Variants in SLC25A21 observed in about 807,000 individuals in gnomAD.
SLC25A21 encodes the protein mitochondrial 2-oxodicarboxylate carrier.
SLC25A21 carries 47 observed loss-of-function variants against 43.8 expected under a neutral mutation model. That is an observed-to-expected ratio of 1.07 (90% CI 0.85 to 1.37). The LOEUF is 1.37. Ranked by LOEUF, SLC25A21 falls within the 40% of genes most tolerant of loss-of-function variation. The pLI is 0.00. For synonymous variants in SLC25A21, 131 were observed against 121.3 expected (o/e 1.08, Z -0.52); for missense variants, 352 against 350.2 (o/e 1.00, Z -0.04).
At chr14:36,969,242 CCT>C (rs1428925358) in intron 1 of SLC25A21, among the ~76,000 whole-genome samples, 1 of 152,064 alleles carries the variant, frequency 6.6e-6, no homozygotes, top group Non-Finnish European at 1.5e-5. Context: ...TTCCAGACCC[CCT>C]GTTAATAGAG....
rs141967563 is a variant in SLC25A21, at chr14:36,971,645, T to G, written c.71-96641A>C. ...CAAAAAGGAGAAAGAGAGAGAGAGCTGCTCTCCTCTCTCCTTTCTTCTGCC... is the reference window on the plus strand; with the variant it reads ...CAAAAAGGAGAAAGAGAGAGAGAGCGGCTCTCCTCTCTCCTTTCTTCTGCC... On this transcript the variant is annotated intron_variant, in intron 1 of 9. Coordinates refer to ENST00000331299, the MANE Select transcript of SLC25A21 (RefSeq NM_030631.4). 1.8e-3 allele frequency among the ~76,000 whole-genome samples: 275 copies of G among 152,144 alleles called. 1 individual carries two copies. The highest frequency in any genetic ancestry group is 6.6e-3 in the African/African-American group (272 of 41,524).
At chr14:37,074,918 T>C (rs1355316448) in intron 1 of SLC25A21, among the ~76,000 whole-genome samples, 3 of 152,222 alleles carry the variant, frequency 2.0e-5, no homozygotes, top group African/African-American at 4.8e-5. Flanking sequence ...CAAATGTGTT[T>C]AGGGCCTGGT....
chr14:37,093,310 C>T (rs75850805), intron 1 of SLC25A21, among the ~76,000 whole-genome samples: 7,407 of 152,238 alleles, frequency 0.049, 600 homozygotes, highest in African/African-American at 0.17. Flanking sequence ...CCCCACAATG[C>T]AGAATAATTT....
intron 6 of SLC25A21, among the ~76,000 whole-genome samples, chr14:36,714,473 T>C (rs1252878618): frequency 6.6e-6 from 1 of 152,214 alleles, no homozygotes; most frequent in African/African-American, 2.4e-5. Flanking sequence ...ATCCTATAAA[T>C]TGGCCTCTTC....
chr14:36,953,110 T>A (rs1892854317), intron 1 of SLC25A21, among the ~76,000 whole-genome samples: 1 of 152,192 alleles, frequency 6.6e-6, no homozygotes, highest in Non-Finnish European at 1.5e-5. Flanking sequence ...TTATCAAGGG[T>A]TGAATATCAG....
At chr14:36,847,076 C>T (rs187628338) in intron 2 of SLC25A21, among the ~76,000 whole-genome samples, 5 of 152,242 alleles carry the variant, frequency 3.3e-5, no homozygotes, top group Admixed American at 3.3e-4. Flanking sequence ...TGGGATGCTG[C>T]CCCAGATGCT....
chr14:36,981,963 G>A (rs1960035773), intron 1 of SLC25A21, among the ~76,000 whole-genome samples: 1 of 152,176 alleles, frequency 6.6e-6, no homozygotes, highest in Non-Finnish European at 1.5e-5. Flanking sequence ...TGAACTGAAT[G>A]ATTGTTTTGG....
chr14:36,953,076 T>G (rs1037073804), intron 1 of SLC25A21, among the ~76,000 whole-genome samples: 1 of 152,220 alleles, frequency 6.6e-6, no homozygotes, highest in African/African-American at 2.4e-5. Flanking sequence ...TGTATTATGG[T>G]CCATGTCTAA....
intron 1 of SLC25A21, among the ~76,000 whole-genome samples, chr14:37,069,642 C>T (rs571900039): frequency 1.3e-5 from 2 of 152,226 alleles, no homozygotes; most frequent in South Asian, 4.1e-4. Flanking sequence ...CTGGGAGAGA[C>T]AGCAAAGAAT....
At chr14:36,776,096 A>G (rs1483733605) in intron 3 of SLC25A21, among the ~76,000 whole-genome samples, 7 of 151,694 alleles carry the variant, frequency 4.6e-5, no homozygotes, top group Non-Finnish European at 8.8e-5. Context: ...AGTCTATTGG[A>G]ACTTCTCTTG....
chr14:36,976,235 C>T (rs10131376), intron 1 of SLC25A21, among the ~76,000 whole-genome samples: 69,568 of 151,892 alleles, frequency 0.46, 17,618 homozygotes, highest in African/African-American at 0.68. Flanking sequence ...CATGAAATAA[C>T]GGTAGGCAGG....
At chr14:36,682,766 A>G (rs1273790367) in intron 9 of SLC25A21, among the ~76,000 whole-genome samples, 1 of 152,208 alleles carries the variant, frequency 6.6e-6, no homozygotes, top group Non-Finnish European at 1.5e-5. Flanking sequence ...CTGAATCCCA[A>G]ATATGAAACA....
chr14:36,974,535 A>G (rs887280443), intron 1 of SLC25A21, among the ~76,000 whole-genome samples: 1 of 152,240 alleles, frequency 6.6e-6, no homozygotes, highest in Non-Finnish European at 1.5e-5. Flanking sequence ...CTTTGCTATG[A>G]AAACTTACTT....
At chr14:37,146,282 T>C (rs1323115964) in intron 1 of SLC25A21, among the ~76,000 whole-genome samples, 2 of 152,182 alleles carry the variant, frequency 1.3e-5, no homozygotes, top group Admixed American at 6.5e-5. Context: ...TTCTTTTGTG[T>C]GTGTGTGACA....
chr14:36,960,876 G>C (rs959584075), intron 1 of SLC25A21, among the ~76,000 whole-genome samples: 1 of 152,162 alleles, frequency 6.6e-6, no homozygotes, highest in Admixed American at 6.5e-5. Flanking sequence ...TCATTATATG[G>C]AACTTCTGCT....
chr14:36,960,275 A>G (rs764967988), intron 1 of SLC25A21, among the ~76,000 whole-genome samples: 3 of 152,138 alleles, frequency 2.0e-5, no homozygotes, highest in Non-Finnish European at 2.9e-5. Flanking sequence ...ACACATAGAC[A>G]TGTGTTTGTG....
chr14:36,950,047 C>T (rs1208842863), intron 1 of SLC25A21, among the ~76,000 whole-genome samples: 2 of 152,126 alleles, frequency 1.3e-5, no homozygotes. Flanking sequence ...CAGAGTTCTC[C>T]AAATCTATTT....
At chr14:37,154,008 T>C (rs1162755663) in intron 1 of SLC25A21, among the ~76,000 whole-genome samples, 1 of 152,066 alleles carries the variant, frequency 6.6e-6, no homozygotes, top group Non-Finnish European at 1.5e-5. Context: ...GAAAACACAC[T>C]CTATGACCCA....
chr14:36,957,803 G>A (rs1383902933), intron 1 of SLC25A21, among the ~76,000 whole-genome samples: 1 of 152,174 alleles, frequency 6.6e-6, no homozygotes, highest in Non-Finnish European at 1.5e-5. Flanking sequence ...ATTAGCATTA[G>A]AATAGGCTTC....
Sources: gnomAD v4.1 joint callset for allele counts (sites outside exome capture counted in the v4.1 genomes callset) on GRCh38, gnomAD v4.1.1 for gene constraint, MANE v1.5 for transcripts, NCBI Gene and HGNC (gene_info 2026-07-23, HGNC 2026-07-21) for gene names.